Variants in FANCA observed in about 807,000 individuals in gnomAD.
FANCA encodes Fanconi anemia group A protein.
In FANCA, 236 loss-of-function variants were observed where a neutral mutation model predicts 194.3. The ratio of observed to expected loss-of-function variants is 1.21; its 90% CI spans 1.09 to 1.35. The LOEUF (loss-of-function observed/expected upper bound fraction) is 1.35, where lower values mean the gene tolerates loss of function less well. Among genes scored for constraint, FANCA ranks in the 40% most tolerant of loss-of-function variants. The pLI is 0.00. For synonymous variants in FANCA, 1,014 were observed against 715.8 expected, an observed-to-expected ratio of 1.42 and a Z score of -6.65; for missense variants, 2,628 against 1,813.9, an observed-to-expected ratio of 1.45 and a Z score of -8.15.
intron 8 of FANCA, among the ~76,000 whole-genome samples, chr16:89,801,662 G>A (rs1279349846): frequency 6.6e-6 from 1 of 152,134 alleles, no homozygotes; most frequent in Non-Finnish European, 1.5e-5. Flanking sequence ...GGCCAAGGCA[G>A]GCAGATCATG....
At chr16:89,763,123 T>A (rs1598098903) in intron 28 of FANCA, among the ~76,000 whole-genome samples, 1 of 151,922 alleles carries the variant, frequency 6.6e-6, no homozygotes, top group East Asian at 1.9e-4. Flanking sequence ...GGCGTGCACC[T>A]GTGGTCCCAG....
intron 27 of FANCA, among the ~76,000 whole-genome samples, chr16:89,766,126 A>G (rs781559391): frequency 5.3e-5 from 8 of 151,198 alleles, no homozygotes; most frequent in Non-Finnish European, 1.2e-4. Context: ...CCTCCCAAGT[A>G]GCTGGGATTA....
chr16:89,795,470 C>G (rs2040212912), intron 11 of FANCA, among the ~76,000 whole-genome samples: 1 of 152,036 alleles, frequency 6.6e-6, no homozygotes, highest in Admixed American at 6.6e-5. Flanking sequence ...AACCCAGTCT[C>G]TACTAAAAAT....
intron 36 of FANCA, 29 bp from the exon 37 acceptor site, chr16:89,742,967 G>C: frequency 6.2e-7 from 1 of 1,611,800 alleles, no homozygotes; most frequent in South Asian, 1.1e-5. Flanking sequence ...GGTCATTGCA[G>C]GGCCTTACAA....
In FANCA at chr16:89,738,665, G is replaced by C. The variant is rs1434753258; in HGVS notation, c.4304C>G (p.Ala1435Gly). The C allele has an allele frequency of 1.2e-6, 2 of 1,613,706 alleles. No homozygotes were observed. Among genetic ancestry groups the C allele is most frequent in the Middle Eastern group, 1.7e-4 (1 of 6,012 alleles). The change falls in exon 43 of 43, where the codon GCC becomes GGC. Residue 1435 changes from alanine to glycine, a missense_variant. Coordinates refer to ENST00000389301, the MANE Select transcript of FANCA (RefSeq NM_000135.4). ...RGDCDPEVSA[A>G]LQSRQQAAPD... ...GGCAGCCTGCTGTCTGCTCTGGAGG[G>C]CGGCGCTCACCTCTGGGTCGCAGTC...
intron 14 of FANCA, 97 bp from the exon 15 acceptor site, chr16:89,785,061 C>G: frequency 1.2e-6 from 1 of 814,050 alleles, no homozygotes; most frequent in Non-Finnish European, 2.1e-6. Flanking sequence ...AAGCCCAGGA[C>G]AGCCAGGCGC....
At chr16:89,803,668 G>C (rs532154375) in intron 7 of FANCA, among the ~76,000 whole-genome samples, 2 of 150,488 alleles carry the variant, frequency 1.3e-5, no homozygotes, top group African/African-American at 4.9e-5. Flanking sequence ...CTGTCGCCTG[G>C]GCTTGAGTGC....
At chr16:89,807,121 CA>C (rs1186971208) in intron 6 of FANCA, among the ~76,000 whole-genome samples, 2 of 151,824 alleles carry the variant, frequency 1.3e-5, no homozygotes, top group Non-Finnish European at 2.9e-5. Flanking sequence ...TAATTCTGGC[CA>C]TTTTTGCTTC....
At chr16:89,806,912 C>A (rs1439976297) in intron 6 of FANCA, among the ~76,000 whole-genome samples, 2 of 152,168 alleles carry the variant, frequency 1.3e-5, no homozygotes, top group African/African-American at 2.4e-5. Flanking sequence ...CTCCTCACTT[C>A]CCAGTATGGG....
rs867468844 is a variant in FANCA, at chr16:89,746,855, C to T, written c.3384G>A (p.Gln1128=). ...CCCTGAAGAAGTGGGCAGTGATGTC[C>T]TGTGTCAGGGCACCTCCGTGGGAGC... is the stretch of plus-strand genomic sequence containing the variant. ...NFCSHGGALT[Q]DITAHFFRGL... is the part of the protein sequence containing the mutation. Residue 1128 remains glutamine (Q), a synonymous_variant, in exon 34 of 43, where the codon CAG becomes CAA. Transcript: ENST00000389301. The T allele has an allele frequency of 3.8e-6, 6 of 1,563,002 alleles. No individual in the cohort carries two copies. The highest frequency in any genetic ancestry group is 5.2e-6 in the Non-Finnish European group (6 of 1,152,560).
At chr16:89,782,715 G>A (rs1336853589) in intron 17 of FANCA, 144 bp downstream of exon 17, 12 of 716,834 alleles carry the variant, frequency 1.7e-5, no homozygotes, top group Non-Finnish European at 3.0e-5. Context: ...GAGGCCCGCA[G>A]AGCCTCGCCC....
chr16:89,740,761 C>T, intron 38 of FANCA, 43 bp downstream of exon 38: 1 of 1,582,250 alleles, frequency 6.3e-7, no homozygotes, highest in Non-Finnish European at 8.7e-7. Flanking sequence ...CCTGCCTGGC[C>T]CACAGTGGGA....
chr16:89,791,342 C>T, intron 14 of FANCA, 61 bp downstream of exon 14: 1 of 1,593,496 alleles, frequency 6.3e-7, no homozygotes, highest in Non-Finnish European at 8.6e-7. Context: ...ACAGCATGGT[C>T]CCCACTCCCA....
chr16:89,749,379 A>C (rs182040618), intron 32 of FANCA, among the ~76,000 whole-genome samples: 56 of 152,194 alleles, frequency 3.7e-4, no homozygotes, highest in East Asian at 3.9e-4. Context: ...CACCTAGCTA[A>C]ATTTTTTTGT....
chr16:89,810,902 G>C lies in FANCA; in HGVS notation c.426+27C>G, dbSNP rs1490734866. 4 of 1,614,148 alleles carry C rather than the reference G, an allele frequency of 2.5e-6. No homozygotes were observed. The South Asian group carries it at 4.4e-5, about 18-fold the overall frequency. On this transcript the variant is annotated intron_variant, in intron 4 of 42. Transcript: ENST00000389301. ...CCAGCTTAAAAGTAACAACGGGCAGGTTTCCTCATCTTTGCTGGTGTCTTA... is the reference window on the plus strand; with the variant it reads ...CCAGCTTAAAAGTAACAACGGGCAGCTTTCCTCATCTTTGCTGGTGTCTTA...
intron 12 of FANCA, 67 bp from the exon 13 acceptor site, chr16:89,792,135 C>T (rs942561349): frequency 1.9e-6 from 3 of 1,598,394 alleles, no homozygotes; most frequent in Non-Finnish European, 2.6e-6. Context: ...GACCCCTCAC[C>T]TTCCTCCCAG....
rs780078944 is a variant in FANCA at position 89,774,729 on chromosome 16, CAAAAAAAA to C, written c.1900+1005_1900+1012del. Among the ~76,000 whole-genome samples the C allele has an allele frequency of 7.2e-4, 16 of 22,200 alleles. 1 individual carries two copies. The highest frequency in any genetic ancestry group is 1.6e-3 in the Admixed American group (2 of 1,214). 14.6% of individuals were successfully genotyped at this position (22,200 alleles called of 152,430 possible). ...TGGGCAACAGAGCGAGACTCTGTCT[CAAAAAAAA>C]AAAAAAAAAAAAAAAAATCTCAACG... On this transcript the variant is annotated intron_variant, in intron 21 of 42. Transcript: ENST00000389301.
At chr16:89,781,871 G>A (rs1052232362) in intron 17 of FANCA, among the ~76,000 whole-genome samples, 14 of 140,358 alleles carry the variant, frequency 1.0e-4, no homozygotes, top group African/African-American at 3.3e-4. Context: ...CGTGGTGGCA[G>A]GCATCTGTAG....
intron 28 of FANCA, among the ~76,000 whole-genome samples, chr16:89,762,947 GA>G (rs61684026): frequency 0.54 from 63,810 of 117,492 alleles, 17,236 homozygotes; most frequent in East Asian, 0.72. Flanking sequence ...CTAAAAATAC[GA>G]AAAAAAAAAA....
Sources: allele counts gnomAD v4.1 joint callset (sites outside exome capture counted in the v4.1 genomes callset), GRCh38; gene constraint gnomAD v4.1.1; transcripts MANE v1.5; gene names NCBI Gene and HGNC (gene_info 2026-07-23, HGNC 2026-07-21).